The following COL28A1 variants were observed in gnomAD, a reference collection of about 807,000 sequenced individuals.
The protein encoded by COL28A1 is collagen type XXVIII alpha 1 chain, also known as collagen alpha-1(XXVIII) chain.
COL28A1 carries 161 observed loss-of-function variants against 150.2 expected under a neutral mutation model. The ratio of observed to expected loss-of-function variants is 1.07; its 90% CI spans 0.94 to 1.22. The LOEUF (loss-of-function observed/expected upper bound fraction) is 1.22, where lower values mean the gene tolerates loss of function less well. Among genes scored for constraint, COL28A1 ranks in the 50% most tolerant of loss-of-function variants. COL28A1 has a pLI of 0.00. For missense variants in COL28A1, 1,617 were observed against 1,388.3 expected (o/e 1.16, Z -2.62); for synonymous variants, 552 against 469.7 (o/e 1.18, Z -2.26).
chr7:7,475,949 C>T (rs1788835706), intron 14 of COL28A1, among the ~76,000 whole-genome samples: 1 of 152,162 alleles, frequency 6.6e-6, no homozygotes, highest in South Asian at 2.1e-4. Flanking sequence ...AAATTTAACC[C>T]AGCAGTCACT....
At chr7:7,376,510 T>C (rs1342885609) in intron 30 of COL28A1, among the ~76,000 whole-genome samples, 1 of 152,192 alleles carries the variant, frequency 6.6e-6, no homozygotes, top group Non-Finnish European at 1.5e-5. Flanking sequence ...AGTGCTGAGT[T>C]ATATAATACA....
intron 27 of COL28A1, among the ~76,000 whole-genome samples, chr7:7,387,808 G>T (rs1395268155): frequency 6.6e-6 from 1 of 152,160 alleles, no homozygotes; most frequent in African/African-American, 2.4e-5. Flanking sequence ...TATCACTGCT[G>T]CAGCGGCTAA....
chr7:7,464,848 A>G (rs957624164), intron 15 of COL28A1, among the ~76,000 whole-genome samples: 2 of 152,214 alleles, frequency 1.3e-5, no homozygotes, highest in Non-Finnish European at 2.9e-5. Flanking sequence ...TAGATAAATG[A>G]AACAAAAACT....
chr7:7,501,639 G>A (rs1372841436), intron 11 of COL28A1, among the ~76,000 whole-genome samples: 2 of 152,180 alleles, frequency 1.3e-5, no homozygotes, highest in Non-Finnish European at 2.9e-5. Context: ...CTTGTCCTCT[G>A]TGACTTGAAA....
chr7:7,503,516 A>G (rs986027053), intron 11 of COL28A1, among the ~76,000 whole-genome samples: 2 of 152,232 alleles, frequency 1.3e-5, no homozygotes, highest in African/African-American at 4.8e-5. Context: ...AAATTGTCTA[A>G]TAAAATGATA....
chr7:7,472,916 G>C (rs1463044699), intron 15 of COL28A1, among the ~76,000 whole-genome samples: 2 of 152,066 alleles, frequency 1.3e-5, no homozygotes, highest in African/African-American at 4.8e-5. Context: ...AGAACATATA[G>C]TGGGGAAAGG....
At chr7:7,420,933 G>C (rs1784364287) in intron 25 of COL28A1, among the ~76,000 whole-genome samples, 1 of 152,160 alleles carries the variant, frequency 6.6e-6, no homozygotes, top group Non-Finnish European at 1.5e-5. Flanking sequence ...AAAACAGTTT[G>C]GTGGTTTAAG....
intron 33 of COL28A1, among the ~76,000 whole-genome samples, chr7:7,362,858 A>G (rs1233266449): frequency 1.3e-5 from 2 of 151,924 alleles, no homozygotes; most frequent in African/African-American, 4.8e-5. Context: ...TTGGTCCCTT[A>G]TTTTCTTTTT....
At chr7:7,388,251 G>C (rs1782315043) in intron 27 of COL28A1, among the ~76,000 whole-genome samples, 2 of 151,834 alleles carry the variant, frequency 1.3e-5, no homozygotes, top group African/African-American at 4.8e-5. Context: ...TTATGAGTGA[G>C]AACATGCAGT....
chr7:7,528,095 T>G (rs1237392023), intron 3 of COL28A1, among the ~76,000 whole-genome samples: 1 of 152,180 alleles, frequency 6.6e-6, no homozygotes, highest in East Asian at 1.9e-4. Context: ...CTTCTTGGTA[T>G]GTGAGGGAGG....
At chr7:7,415,323 G>C (rs759052433) in intron 27 of COL28A1, among the ~76,000 whole-genome samples, 2 of 152,226 alleles carry the variant, frequency 1.3e-5, no homozygotes, top group Non-Finnish European at 2.9e-5. Context: ...AAATTTTACT[G>C]TTCCTATATC....
chr7:7,374,038 A>AAAAAAAAATATATATAT, intron 31 of COL28A1, among the ~76,000 whole-genome samples: 13 of 113,626 alleles, frequency 1.1e-4, no homozygotes, highest in African/African-American at 3.8e-4. Context: ...AAAAAAAAAA[A>AAAAAAAAATATATATAT]ATATATATAT....
Position 7,380,766 on chromosome 7 carries a change from A to G in COL28A1, c.2286+16T>C, listed in dbSNP as rs1330376101. 6.2e-7 allele frequency: 1 copy of G among 1,613,194 alleles called. No individual in the cohort carries two copies. The highest frequency in any genetic ancestry group is 1.7e-5 in the Admixed American group (1 of 60,000). On this transcript the variant is annotated intron_variant, in intron 29 of 34. Coordinates refer to ENST00000399429, the MANE Select transcript of COL28A1 (RefSeq NM_001037763.3). ...TTAGAGTATAAAATCACAGTGAGAC[A>G]TTAAAAACTACTTGCCTGTTTTCCT...
chr7:7,388,254 C>T (rs1247923082), intron 27 of COL28A1, among the ~76,000 whole-genome samples: 2 of 151,824 alleles, frequency 1.3e-5, no homozygotes, highest in Non-Finnish European at 2.9e-5. Context: ...TGAGTGAGAA[C>T]ATGCAGTGTT....
chr7:7,402,490 T>C (rs1257819059), intron 27 of COL28A1, among the ~76,000 whole-genome samples: 6 of 152,046 alleles, frequency 3.9e-5, no homozygotes, highest in African/African-American at 1.4e-4. Context: ...ATGTAGTAAT[T>C]GTATCATATT....
In COL28A1 at chr7:7,400,975, GGTGTGTGTGTGTGTGTGTGTGT is replaced by G. The variant is rs60064708; in HGVS notation, c.2136+16862_2136+16883del. Among the ~76,000 whole-genome samples the G allele has an allele frequency of 2.6e-3, 306 of 119,128 alleles. 2 individuals carry two copies. Among genetic ancestry groups the G allele is most frequent in the African/African-American group, 9.3e-3 (278 of 29,756 alleles). 78.2% of individuals were successfully genotyped at this position (119,128 alleles called of 152,430 possible). On this transcript the variant is annotated intron_variant, in intron 27 of 34. Transcript: ENST00000399429. ...GTCCCATAGGACGTGTGGGTATTTG[GGTGTGTGTGTGTGTGTGTGTGT>G]GTGTGTGTGTGTGTGTGTGTGTGTG...
intron 2 of COL28A1, among the ~76,000 whole-genome samples, chr7:7,532,255 G>T (rs748806217): frequency 5.3e-5 from 8 of 152,066 alleles, no homozygotes; most frequent in Non-Finnish European, 8.8e-5. Flanking sequence ...AGAAGTAAAT[G>T]ATACTCTAAT....
intron 13 of COL28A1, among the ~76,000 whole-genome samples, chr7:7,480,915 G>C (rs1789335678): frequency 6.6e-6 from 1 of 152,086 alleles, no homozygotes; most frequent in Non-Finnish European, 1.5e-5. Flanking sequence ...TCCTCAAAAT[G>C]GTTGATAATA....
rs561297704 is a variant in COL28A1 at position 7,449,706 on chromosome 7, T to G, written c.1509+2613A>C. ...AACAAAACAAAACAAAACAAAAAAA[T>G]TCTCCTATAGACCTATACTAGTTAG... is the stretch of plus-strand genomic sequence containing the variant. On this transcript the variant is annotated intron_variant, in intron 18 of 34. Transcript: ENST00000399429. Among the ~76,000 whole-genome samples, 32 of 151,916 alleles carry G rather than the reference T, an allele frequency of 2.1e-4. No homozygotes were observed. The South Asian group carries it at 6.4e-3, about 31-fold the overall frequency.
Sources: gnomAD v4.1 joint callset for allele counts (sites outside exome capture counted in the v4.1 genomes callset) on GRCh38, gnomAD v4.1.1 for gene constraint, MANE v1.5 for transcripts, NCBI Gene and HGNC (gene_info 2026-07-23, HGNC 2026-07-21) for gene names.